Variants in BCAS3 observed in about 807,000 individuals in gnomAD.
BCAS3 encodes the protein BCAS3 microtubule associated cell migration factor.
BCAS3 carries 53 observed loss-of-function variants against 116.1 expected under a neutral mutation model. That is an observed-to-expected ratio of 0.46 (90% CI 0.37 to 0.57). The LOEUF (loss-of-function observed/expected upper bound fraction) is 0.57. Ranked by LOEUF, BCAS3 falls within the 20% of genes least tolerant of loss-of-function variation. The pLI is 0.00. For missense variants in BCAS3, 917 were observed against 1,165.4 expected (o/e 0.79, Z 3.10); for synonymous variants, 391 against 408.2 (o/e 0.96, Z 0.51).
rs972583203 is a variant in BCAS3 at position 61,084,183 on chromosome 17, A to C, written c.2328-284A>C. ...TTTAATTTCCTCTCCCATTCTACTT[A>C]TTGTATCCCTTTAAATTAATGTCAG... On this transcript the variant is annotated intron_variant, in intron 21 of 23. Coordinates refer to ENST00000407086, the MANE Select transcript of BCAS3 (RefSeq NM_017679.5). The surrounding 1 kb of genome is among the most constrained non-coding windows in gnomAD (Gnocchi z 5.5). 1.3e-5 allele frequency among the ~76,000 whole-genome samples: 2 copies of C among 150,928 alleles called. No homozygotes were observed. The highest frequency in any genetic ancestry group is 2.9e-5 in the Non-Finnish European group (2 of 68,026).
intron 6 of BCAS3, 141 bp from the exon 7 acceptor site, chr17:60,807,863 C>A: frequency 1.9e-6 from 1 of 522,274 alleles, no homozygotes; most frequent in Non-Finnish European, 3.3e-6. Flanking sequence ...AGTAGCTTTT[C>A]TTCTTTTTAT....
In BCAS3 at chr17:60,740,923, G is replaced by A. The variant is rs568878630; in HGVS notation, c.322-6275G>A. ...GATTTTTATTCAGTATTGGCTGTTA[G>A]AGCCTGGTGGAGCTCCTGGAGGTAA... is the stretch of plus-strand genomic sequence containing the variant. On this transcript the variant is annotated intron_variant, in intron 5 of 23. Coordinates refer to ENST00000407086, the MANE Select transcript of BCAS3 (RefSeq NM_017679.5). 2.0e-5 allele frequency among the ~76,000 whole-genome samples: 3 copies of A among 152,282 alleles called. No homozygotes were observed. The East Asian group carries it at 5.8e-4, about 29-fold the overall frequency.
In BCAS3 at chr17:61,008,024, ATG is replaced by A. The variant is rs1374327495; in HGVS notation, c.1487-7721_1487-7720del. On this transcript the variant is annotated intron_variant, in intron 15 of 23. Coordinates refer to ENST00000407086, the MANE Select transcript of BCAS3 (RefSeq NM_017679.5). The surrounding 1 kb of genome is among the most constrained non-coding windows in gnomAD (Gnocchi z 4.6). ...TTTGTTGTGTTTATAGTCTTTAAAAATGTGTGTCTGTGTGTCGACACACACAC... is the reference window on the plus strand; with the variant it reads ...TTTGTTGTGTTTATAGTCTTTAAAAATGTGTCTGTGTGTCGACACACACAC... 1.3e-5 allele frequency among the ~76,000 whole-genome samples: 2 copies of A among 150,560 alleles called. No individual in the cohort carries two copies. Among genetic ancestry groups the A allele is most frequent in the African/African-American group, 5.0e-5 (2 of 40,022 alleles).
intron 19 of BCAS3, among the ~76,000 whole-genome samples, chr17:61,050,495 G>T (rs923001598): frequency 6.6e-6 from 1 of 151,846 alleles, no homozygotes; most frequent in African/African-American, 2.4e-5. Flanking sequence ...TGTAATATAT[G>T]TGAGTGGTAT....
intron 22 of BCAS3, among the ~76,000 whole-genome samples, chr17:61,150,904 A>G (rs1175204209): frequency 1.3e-5 from 2 of 152,148 alleles, no homozygotes; most frequent in African/African-American, 4.8e-5. Context: ...CTGTTACTCA[A>G]GATCTTGGTT....
intron 22 of BCAS3, among the ~76,000 whole-genome samples, chr17:61,310,608 C>T (rs1381911400): frequency 6.6e-6 from 1 of 151,856 alleles, no homozygotes; most frequent in African/African-American, 2.4e-5. Flanking sequence ...CTGTCTCTAG[C>T]CTGCATGCGA....
chr17:61,353,583 T>C (rs184742305), intron 22 of BCAS3: 1 of 152,498 alleles, frequency 6.6e-6, no homozygotes, highest in East Asian at 1.9e-4. Flanking sequence ...TGTCTTCCTC[T>C]CTAGGGGTGT....
rs1284853223 is a variant in BCAS3 at position 60,961,567 on chromosome 17, T to C, written c.1221+14215T>C. 6.6e-6 allele frequency among the ~76,000 whole-genome samples: 1 copy of C among 152,160 alleles called. No homozygotes were observed. Among genetic ancestry groups the C allele is most frequent in the Non-Finnish European group, 1.5e-5 (1 of 68,026 alleles). ...TTACAGAAAAGTTGCAAAGATAGTA[T>C]AGAAAGTTTCTATACCATATCAAAT... On this transcript the variant is annotated intron_variant, in intron 14 of 23. Transcript: ENST00000407086. This position sits in a 1 kb window ranked among gnomAD's most constrained non-coding sequence, Gnocchi z 4.8.
At chr17:60,846,549 A>G (rs2052556610) in intron 7 of BCAS3, among the ~76,000 whole-genome samples, 1 of 152,180 alleles carries the variant, frequency 6.6e-6, no homozygotes, top group Non-Finnish European at 1.5e-5. Context: ...CTTTCCTATT[A>G]TAATTGTGGA....
At position 61,363,946 on chromosome 17, in the gene BCAS3, C is replaced by G. The variant is rs1456714045; in HGVS notation, c.2426-4381C>G. On this transcript the variant is annotated intron_variant, in intron 22 of 23. Coordinates refer to ENST00000407086, the MANE Select transcript of BCAS3 (RefSeq NM_017679.5). The surrounding 1 kb of genome is among the most constrained non-coding windows in gnomAD (Gnocchi z 4.9). ...CCCTCCAAGGGCTTGGCCTCTTCAC[C>G]CCAGTGCCTGCTGAAACACACCTGC... 1.3e-5 allele frequency among the ~76,000 whole-genome samples: 2 copies of G among 152,178 alleles called. No individual in the cohort carries two copies. The highest frequency in any genetic ancestry group is 2.9e-5 in the Non-Finnish European group (2 of 68,038).
chr17:60,937,127 C>T (rs974155853), intron 13 of BCAS3, among the ~76,000 whole-genome samples: 3 of 152,094 alleles, frequency 2.0e-5, no homozygotes, highest in African/African-American at 7.2e-5. Context: ...ATTGTTTCCC[C>T]ATTTCTTGTT....
intron 22 of BCAS3, among the ~76,000 whole-genome samples, chr17:61,111,436 A>G (rs893311522): frequency 4.6e-5 from 7 of 151,622 alleles, no homozygotes; most frequent in Non-Finnish European, 8.8e-5. Flanking sequence ...CTACGTGAAG[A>G]ATGCAGAAGC....
intron 6 of BCAS3, among the ~76,000 whole-genome samples, chr17:60,799,005 A>G (rs369015297): frequency 4.5e-4 from 69 of 152,310 alleles, no homozygotes; most frequent in African/African-American, 1.6e-3. Context: ...TCTTTTGCCC[A>G]TAGTGTTTTC....
chr17:61,089,303 A>T (rs2073335234), intron 22 of BCAS3, among the ~76,000 whole-genome samples: 1 of 151,916 alleles, frequency 6.6e-6, no homozygotes, highest in Non-Finnish European at 1.5e-5. Flanking sequence ...ATATCACCTT[A>T]AAAAAACAAA....
chr17:60,704,597 T>C (rs1391990714), intron 4 of BCAS3, among the ~76,000 whole-genome samples: 3 of 152,100 alleles, frequency 2.0e-5, no homozygotes, highest in Non-Finnish European at 4.4e-5. Flanking sequence ...TCCCAGCACT[T>C]TGGGGGGCCG....
chr17:60,814,412 T>A (rs1045291013), intron 7 of BCAS3, among the ~76,000 whole-genome samples: 4 of 152,054 alleles, frequency 2.6e-5, no homozygotes, highest in Non-Finnish European at 5.9e-5. Flanking sequence ...TATTTTTTTT[T>A]ATCCTGAAAC....
At position 60,813,809 on chromosome 17, in the gene BCAS3, C is replaced by T. The variant is rs972229431; in HGVS notation, c.476+5733C>T. Among the ~76,000 whole-genome samples the T allele has an allele frequency of 8.6e-5, 13 of 152,018 alleles. No homozygotes were observed. In the East Asian group the frequency reaches 9.6e-4, roughly 11 times the overall value. ...TCCTTTCCCCATTGCTTGTCATTGT[C>T]GACTTTGTTGAAGATTAGATGGTTG... On this transcript the variant is annotated intron_variant, in intron 7 of 23. Transcript: ENST00000407086.
chr17:60,747,198 A>T lies in BCAS3; in HGVS notation c.322A>T (p.Ile108Phe). 6.2e-7 allele frequency: 1 copy of T among 1,607,792 alleles called. No homozygotes were observed. Among genetic ancestry groups the T allele is most frequent in the Non-Finnish European group, 8.5e-7 (1 of 1,174,510 alleles). Residue 108 changes from isoleucine (I) to phenylalanine (F), a missense_variant and splice_region_variant, in exon 6 of 24, where the codon ATC becomes TTC. Physicochemically the swap from Ile to Phe is conservative, Grantham distance 21. Around this residue, in one of 3 missense-constraint regions of BCAS3, gnomAD observed 807 missense variants for 1,026.0 expected, o/e 0.79. Transcript: ENST00000407086. ...SDGMQVWSIPISGEAQELFSV... is the reference protein window; with the variant it reads ...SDGMQVWSIPFSGEAQELFSV... ...ATATTTTCTTTCTTCTCTTATGCAGATCAGTGGTGAAGCACAAGAGCTCTT... is the reference window on the plus strand; with the variant it reads ...ATATTTTCTTTCTTCTCTTATGCAGTTCAGTGGTGAAGCACAAGAGCTCTT...
intron 22 of BCAS3, among the ~76,000 whole-genome samples, chr17:61,090,907 G>A (rs1439215002): frequency 6.6e-6 from 1 of 152,024 alleles, no homozygotes; most frequent in African/African-American, 2.4e-5. Context: ...CACATGCCTC[G>A]GCCTCCCAAA....
Sources: gnomAD v4.1 joint callset for allele counts (sites outside exome capture counted in the v4.1 genomes callset) on GRCh38, gnomAD v4.1.1 for gene constraint, gnomAD v4.1.1 regional missense constraint, Gnocchi (gnomAD v3.1) non-coding constraint, MANE v1.5 for transcripts, NCBI Gene and HGNC (gene_info 2026-07-23, HGNC 2026-07-21) for gene names.